NRXN1: variants seen among roughly 807,000 people sequenced by gnomAD.
NRXN1 encodes neurexin-1.
In NRXN1, 39 loss-of-function variants were observed where a neutral mutation model predicts 150.9. The ratio of observed to expected loss-of-function variants is 0.26; its 90% confidence interval spans 0.20 to 0.34. The LOEUF (loss-of-function observed/expected upper bound fraction) is 0.34. NRXN1 is among the 10% of genes least tolerant of loss of function. The pLI, the probability that NRXN1 is intolerant of heterozygous loss-of-function variation, is 1.00. For missense variants in NRXN1, 1,815 were observed against 1,949.9 expected (o/e 0.93, Z 1.30); for synonymous variants, 924 against 757.0 (o/e 1.22, Z -3.62).
intron 17 of NRXN1, among the ~76,000 whole-genome samples, chr2:50,300,067 G>C (rs1041250084): frequency 6.6e-6 from 1 of 152,126 alleles, no homozygotes; most frequent in Non-Finnish European, 1.5e-5. Context: ...AAGAAACAGT[G>C]TTAATTTAGA....
chr2:50,275,319 T>C (rs552558747), intron 17 of NRXN1, among the ~76,000 whole-genome samples: 11 of 152,320 alleles, frequency 7.2e-5, no homozygotes, highest in African/African-American at 1.9e-4. Flanking sequence ...AAAAATTCTA[T>C]GAAAATCAAT....
intron 17 of NRXN1, among the ~76,000 whole-genome samples, chr2:50,440,401 T>A (rs1558736154): frequency 1.3e-5 from 2 of 151,378 alleles, no homozygotes; most frequent in East Asian, 3.9e-4. Context: ...GACTATAGTC[T>A]TTATTATTAT....
At chr2:50,747,424 C>G (rs1362477408) in intron 5 of NRXN1, among the ~76,000 whole-genome samples, 1 of 152,086 alleles carries the variant, frequency 6.6e-6, no homozygotes. Flanking sequence ...ACAAACCTCT[C>G]CCCATTTGCT....
intron 5 of NRXN1, chr2:50,898,673 T>G: frequency 2.4e-6 from 1 of 412,522 alleles, no homozygotes; most frequent in Non-Finnish European, 4.7e-6. Context: ...AAATTTAATT[T>G]TCCTATGAAA....
chr2:50,377,134 T>C (rs931543174), intron 17 of NRXN1, among the ~76,000 whole-genome samples: 2 of 152,132 alleles, frequency 1.3e-5, no homozygotes, highest in East Asian at 3.9e-4. Context: ...GTGAAGGATG[T>C]GCAGGTTTGT....
At position 51,028,332 on chromosome 2, in the gene NRXN1, G is replaced by GACACC. The variant is rs958260077; in HGVS notation, c.-64_-60dup. The GACACC allele has an allele frequency of 8.4e-7, 1 of 1,184,892 alleles. No homozygotes were observed. Among genetic ancestry groups the GACACC allele is most frequent in the African/African-American group, 1.5e-5 (1 of 64,548 alleles). 73.4% of individuals were successfully genotyped at this position (1,184,892 alleles called of 1,614,324 possible). On this transcript the variant is annotated 5_prime_UTR_variant, in exon 2 of 23. Transcript: ENST00000401669. ...GGCCGACAGGGTCAAAATGGTCCTGGACACCGTGACGAAGAAATAAGGGTC... is the reference window on the plus strand; with the variant it reads ...GGCCGACAGGGTCAAAATGGTCCTGGACACCACACCGTGACGAAGAAATAAGGGTC...
intron 5 of NRXN1, among the ~76,000 whole-genome samples, chr2:50,887,891 T>A (rs952852611): frequency 1.1e-4 from 17 of 150,502 alleles, no homozygotes; most frequent in African/African-American, 3.7e-4. Context: ...CCAAGACTCA[T>A]ACCAAATTGT....
chr2:50,051,791 AT>A (rs1692753667), intron 21 of NRXN1, among the ~76,000 whole-genome samples: 1 of 152,092 alleles, frequency 6.6e-6, no homozygotes, highest in Non-Finnish European at 1.5e-5. Flanking sequence ...GCTGTTACCA[AT>A]ATATCCTCAT....
At chr2:50,604,156 A>G (rs982678447) in intron 8 of NRXN1, among the ~76,000 whole-genome samples, 4 of 152,212 alleles carry the variant, frequency 2.6e-5, no homozygotes, top group Non-Finnish European at 1.5e-5. Flanking sequence ...TTATTCCTAT[A>G]AAATGCTGAT....
At chr2:50,466,783 T>C (rs2088917608) in intron 16 of NRXN1, among the ~76,000 whole-genome samples, 1 of 151,832 alleles carries the variant, frequency 6.6e-6, no homozygotes, top group Non-Finnish European at 1.5e-5. Flanking sequence ...ATGTTTCCTC[T>C]CTTGGATAGA....
At chr2:50,854,052 T>C (rs768204970) in intron 5 of NRXN1, among the ~76,000 whole-genome samples, 4 of 152,090 alleles carry the variant, frequency 2.6e-5, no homozygotes, top group Non-Finnish European at 5.9e-5. Flanking sequence ...TGAAACCTCT[T>C]TAAGATCCTC....
chr2:50,408,990 T>C (rs1225037838), intron 17 of NRXN1, among the ~76,000 whole-genome samples: 1 of 152,058 alleles, frequency 6.6e-6, no homozygotes, highest in Non-Finnish European at 1.5e-5. Context: ...AATTGACATG[T>C]GGTAACTTTT....
chr2:50,722,397 T>C (rs1485794019), intron 5 of NRXN1, among the ~76,000 whole-genome samples: 1 of 152,016 alleles, frequency 6.6e-6, no homozygotes, highest in Non-Finnish European at 1.5e-5. Flanking sequence ...AAATCAGCAA[T>C]AAAATATTGG....
At chr2:50,766,701 T>C (rs2105420967) in intron 5 of NRXN1, among the ~76,000 whole-genome samples, 1 of 152,154 alleles carries the variant, frequency 6.6e-6, no homozygotes, top group East Asian at 1.9e-4. Flanking sequence ...CAGTCTTTTT[T>C]GGATAAGGTC....
intron 2 of NRXN1, among the ~76,000 whole-genome samples, chr2:50,962,377 G>A (rs1035990717): frequency 6.6e-6 from 1 of 151,640 alleles, no homozygotes; most frequent in African/African-American, 2.4e-5. Context: ...CAAGTTCTAT[G>A]AGAATGCTTT....
chr2:50,744,781 A>G lies in NRXN1; in HGVS notation c.833-121166T>C, dbSNP rs926415878. Reference sequence around the variant, plus strand: ...TTATGGTTACATGAAACTGTAAAAAATGCTGTTCTTTTCTAGGGAAATAAA... The same window carrying G: ...TTATGGTTACATGAAACTGTAAAAAGTGCTGTTCTTTTCTAGGGAAATAAA... On this transcript the variant is annotated intron_variant, in intron 5 of 22. Transcript: ENST00000401669. 1.9e-4 allele frequency among the ~76,000 whole-genome samples: 29 copies of G among 152,186 alleles called. 1 individual carries two copies. The highest frequency in any genetic ancestry group is 1.2e-3 in the Admixed American group (18 of 15,262).
intron 5 of NRXN1, among the ~76,000 whole-genome samples, chr2:50,695,037 T>C (rs1417507619): frequency 6.6e-6 from 1 of 152,148 alleles, no homozygotes; most frequent in Non-Finnish European, 1.5e-5. Flanking sequence ...CAGCCATTTA[T>C]GGGTCCAGTT....
chr2:50,822,197 G>T (rs1669836064), intron 5 of NRXN1, among the ~76,000 whole-genome samples: 1 of 152,020 alleles, frequency 6.6e-6, no homozygotes, highest in African/African-American at 2.4e-5. Flanking sequence ...AAAACAAAGT[G>T]AAAGATTAGT....
At chr2:50,249,675 T>C (rs908167084) in intron 17 of NRXN1, among the ~76,000 whole-genome samples, 1 of 151,880 alleles carries the variant, frequency 6.6e-6, no homozygotes, top group Non-Finnish European at 1.5e-5. Flanking sequence ...TCGCACTCTG[T>C]TGTCAAGGCT....
Sources: gnomAD v4.1 joint callset for allele counts (sites outside exome capture counted in the v4.1 genomes callset) on GRCh38, gnomAD v4.1.1 for gene constraint, MANE v1.5 for transcripts, NCBI Gene and HGNC (gene_info 2026-07-23, HGNC 2026-07-21) for gene names.